PSD4: variants seen among roughly 807,000 people sequenced by gnomAD.
PSD4 encodes PH and SEC7 domain-containing protein 4.
PSD4 carries 59 observed loss-of-function variants against 112.5 expected under a neutral mutation model. The observed-to-expected ratio is 0.52, with a 90% CI of 0.43 to 0.65. The LOEUF (loss-of-function observed/expected upper bound fraction) is 0.65. PSD4 is among the 30% of genes least tolerant of loss of function. The pLI is 0.00. For missense variants in PSD4, 1,267 were observed against 1,352.6 expected (o/e 0.94, Z 0.99); for synonymous variants, 533 against 540.0 (o/e 0.99, Z 0.18).
At chr2:113,197,072 AG>A in intron 12 of PSD4, 1 of 216,142 alleles carries the variant, frequency 4.6e-6, no homozygotes, top group Non-Finnish European at 9.4e-6. Context: ...ACACAAGACC[AG>A]GGTGGAGAGG....
In PSD4 at chr2:113,201,521, C is replaced by T; in HGVS notation, c.*106C>T. 7.0e-7 allele frequency: 1 copy of T among 1,423,240 alleles called. No homozygotes were observed. The allele number at this position is 1,423,240 out of a possible 1,614,324, so 88.2% of individuals were successfully genotyped here. On this transcript the variant is annotated 3_prime_UTR_variant, in exon 17 of 17. Coordinates refer to ENST00000245796, the MANE Select transcript of PSD4 (RefSeq NM_012455.3). ...TGAGTCCACCATGACGGATGAGGCA[C>T]CTCCTTTCCCTGCTGAAGGACAAAC...
Position 113,183,447 on chromosome 2 carries a change from T to G in PSD4, c.991T>G (p.Cys331Gly). Residue 331 changes from cysteine to glycine, a missense_variant, in exon 2 of 17, where the codon TGC (cysteine) becomes GGC (glycine). Cys to Gly is a radical substitution (Grantham distance 159). This residue lies in a region of PSD4 where 723 missense variants were observed against 704.0 expected (regional missense o/e 1.03). Coordinates refer to ENST00000245796, the MANE Select transcript of PSD4 (RefSeq NM_012455.3). ...PVPIYKPHSI[C>G]WASVAAAEGA... Reference sequence around the variant, plus strand: ...GCCCATCTATAAACCACACTCCATCTGCTGGGCCTCAGTGGCTGCCGCTGA... The same window carrying G: ...GCCCATCTATAAACCACACTCCATCGGCTGGGCCTCAGTGGCTGCCGCTGA... 6.3e-7 allele frequency: 1 copy of G among 1,589,910 alleles called. No homozygotes were observed. The highest frequency in any genetic ancestry group is 8.6e-7 in the Non-Finnish European group (1 of 1,169,294).
chr2:113,179,982 A>T (rs1444190026), intron 1 of PSD4, among the ~76,000 whole-genome samples: 2 of 152,112 alleles, frequency 1.3e-5, no homozygotes, highest in East Asian at 3.8e-4. Flanking sequence ...AGGGGTAAAA[A>T]CCCAGAAAGA....
chr2:113,196,468 C>G (rs1312365761), intron 12 of PSD4, 161 bp downstream of exon 12: 1 of 933,130 alleles, frequency 1.1e-6, no homozygotes, highest in African/African-American at 1.7e-5. Context: ...TGACCATGTG[C>G]TGGATGCTGT....
Position 113,183,294 on chromosome 2 carries a change from G to A in PSD4, c.838G>A (p.Gly280Arg). 1 of 1,613,330 alleles carries A rather than the reference G, an allele frequency of 6.2e-7. No homozygotes were observed. Among genetic ancestry groups the A allele is most frequent in the Non-Finnish European group, 8.5e-7 (1 of 1,179,500 alleles). Residue 280 changes from glycine to arginine, a missense_variant, in exon 2 of 17, where the codon GGA (glycine) becomes AGA (arginine). Gly to Arg is a moderately radical substitution (Grantham distance 125, BLOSUM62 -2). Transcript: ENST00000245796. The stretch of plus-strand genomic sequence containing the variant: ...AGACTCCCATGCAGGTGTGAGGACT[G>A]GACCTGAGAGCCCAGCGACTCTGGA... The part of the protein sequence containing the change: ...ASDSHAGVRT[G>R]PESPATLEPP...
rs774861670 is a variant in PSD4, at chr2:113,183,162, C to A, written c.706C>A (p.Gln236Lys). The A allele has an allele frequency of 1.2e-6, 2 of 1,614,178 alleles. No individual in the cohort carries two copies. The highest frequency in any genetic ancestry group is 1.7e-6 in the Non-Finnish European group (2 of 1,180,032). ...AGAGGGAACCCCAGACTCTTCCCCACAGTGGGGAGCTGAGGAGGAGAGCAT... is the reference window on the plus strand; with the variant it reads ...AGAGGGAACCCCAGACTCTTCCCCAAAGTGGGGAGCTGAGGAGGAGAGCAT... ...LREGTPDSSP[Q>K]WGAEEESMFF... Residue 236 changes from glutamine to lysine, a missense_variant, in exon 2 of 17, where the codon CAG (glutamine) becomes AAG (lysine). This residue lies in a region of PSD4 where 723 missense variants were observed against 704.0 expected (regional missense o/e 1.03). Transcript: ENST00000245796.
At position 113,193,070 on chromosome 2, in the gene PSD4, G is replaced by T. The variant is rs1435549132; in HGVS notation, c.1861G>T (p.Ala621Ser). 2.5e-6 allele frequency: 4 copies of T among 1,614,194 alleles called. No homozygotes were observed. The highest frequency in any genetic ancestry group is 1.7e-5 in the Admixed American group (1 of 60,014). ...QKNNDFSRAV[A>S]EEYLSFFQFG... is the part of the protein sequence containing the mutation. ...CAGCAATGACTTTAGCAGGGCTGTG[G>T]CTGAGGAGTACCTGTCCTTCTTCCA... The change falls in exon 7 of 17, where the codon GCT (alanine) becomes TCT (serine). Residue 621 changes from alanine to serine, a missense_variant. Physicochemically the swap from Ala to Ser is moderately conservative, Grantham distance 99 (BLOSUM62 1). Around this residue, in one of 2 missense-constraint regions of PSD4, gnomAD observed 544 missense variants for 648.6 expected, o/e 0.84. Coordinates refer to ENST00000245796, the MANE Select transcript of PSD4 (RefSeq NM_012455.3).
chr2:113,197,590 A>G lies in PSD4; in HGVS notation c.2413A>G (p.Met805Val). 1 of 1,614,192 alleles carries G rather than the reference A, an allele frequency of 6.2e-7. No homozygotes were observed. Among genetic ancestry groups the G allele is most frequent in the Non-Finnish European group, 8.5e-7 (1 of 1,180,030 alleles). Reference sequence around the variant, plus strand: ...GCCATGGGGCAAGCGTGGCTGGAAGATGTTCCACACCTTACTGCGAGGGAT... The same window carrying G: ...GCCATGGGGCAAGCGTGGCTGGAAGGTGTTCCACACCTTACTGCGAGGGAT... ...KTPWGKRGWK[M>V]FHTLLRGMVL... The change falls in exon 13 of 17, where the codon ATG becomes GTG. Residue 805 changes from methionine (M) to valine (V), a missense_variant. This residue lies in a region of PSD4 where 544 missense variants were observed against 648.6 expected (regional missense o/e 0.84). Transcript: ENST00000245796.
At position 113,199,074 on chromosome 2, in the gene PSD4, T is replaced by C. The variant is rs1262098412; in HGVS notation, c.2770-9T>C. ...CGGGACAGCGCCCCTCACCGCCCGC[T>C]GCTCGCAGGAGGAGCAGCATCGATC... On this transcript the variant is annotated splice_polypyrimidine_tract_variant and intron_variant, in intron 15 of 16. Transcript: ENST00000245796. 4 of 1,523,758 alleles carry C rather than the reference T, an allele frequency of 2.6e-6. No homozygotes were observed. Among genetic ancestry groups the C allele is most frequent in the African/African-American group, 1.4e-5 (1 of 70,168 alleles). The allele number at this position is 1,523,758 out of a possible 1,614,324, so 94.4% of individuals were successfully genotyped here. A position where few individuals can be genotyped will look rare whatever the true frequency, so the allele number is the denominator to read the frequency against.
At chr2:113,199,907 C>T (rs1688726837) in intron 16 of PSD4, among the ~76,000 whole-genome samples, 1 of 152,160 alleles carries the variant, frequency 6.6e-6, no homozygotes, top group Admixed American at 6.5e-5. Context: ...CTCCCTGCAA[C>T]CTCCGCCTCC....
At chr2:113,183,625 G>A in intron 2 of PSD4, 113 bp downstream of exon 2, 10 of 1,043,578 alleles carry the variant, frequency 9.6e-6, no homozygotes, top group Non-Finnish European at 1.4e-5. Flanking sequence ...GAGCTTTGGG[G>A]ATAACCTGCA....
Position 113,201,120 on chromosome 2 carries a change from C to T in PSD4, c.2914-38C>T, listed in dbSNP as rs1688764424. The T allele has an allele frequency of 3.2e-6, 5 of 1,566,278 alleles. No individual in the cohort carries two copies. The African/African-American group carries it at 6.8e-5, about 21-fold the overall frequency. ...TTCTAGCCTCCTCCCAACCTGGAGC[C>T]AGGATGGTGCTAAGGTGGTGGGGCC... On this transcript the variant is annotated intron_variant, in intron 16 of 16. Transcript: ENST00000245796.
chr2:113,197,507 G>C (rs778408960), intron 12 of PSD4, 57 bp from the exon 13 acceptor site: 5 of 1,595,928 alleles, frequency 3.1e-6, no homozygotes, highest in Non-Finnish European at 4.3e-6. Context: ...GTGTGTCTGA[G>C]TGTGTCTGGA....
chr2:113,183,246 G>C lies in PSD4; in HGVS notation c.790G>C (p.Glu264Gln). 6.2e-7 allele frequency: 1 copy of C among 1,614,202 alleles called. No homozygotes were observed. Among genetic ancestry groups the C allele is most frequent in the South Asian group, 1.1e-5 (1 of 91,086 alleles). ...TTGCTCAGAGAACAGTGCTTCTGGA[G>C]AGTGCTTTTCCTGGGGGGCTTCAGA... is the stretch of plus-strand genomic sequence containing the variant. ...SPCSENSASG[E>Q]CFSWGASDSH... The change falls in exon 2 of 17, where the codon GAG becomes CAG. Residue 264 changes from glutamate to glutamine, a missense_variant. Glu to Gln is a conservative substitution (Grantham distance 29). Coordinates refer to ENST00000245796, the MANE Select transcript of PSD4 (RefSeq NM_012455.3).
rs773465112 is a variant in PSD4, at chr2:113,198,848, G to A, written c.2733G>A (p.Arg911=). ...AAVGSQRRFV[R]PILPVGPAQS... is the part of the protein sequence containing the mutation. ...TGGGCTCCCAGCGCAGATTCGTGCGGCCCATCCTGCCCGTGGGCCCCGCCC... is the reference window on the plus strand; with the variant it reads ...TGGGCTCCCAGCGCAGATTCGTGCGACCCATCCTGCCCGTGGGCCCCGCCC... The change falls in exon 15 of 17, where the codon CGG becomes CGA. Residue 911 remains arginine, a synonymous_variant. Transcript: ENST00000245796. 5.0e-6 allele frequency: 8 copies of A among 1,597,316 alleles called. No homozygotes were observed. The highest frequency in any genetic ancestry group is 3.4e-5 in the Admixed American group (2 of 59,626).
Position 113,201,123 on chromosome 2 carries a change from G to A in PSD4, c.2914-35G>A, listed in dbSNP as rs759364817. On this transcript the variant is annotated intron_variant, in intron 16 of 16. Coordinates refer to ENST00000245796, the MANE Select transcript of PSD4 (RefSeq NM_012455.3). ...TAGCCTCCTCCCAACCTGGAGCCAG[G>A]ATGGTGCTAAGGTGGTGGGGCCTGT... The A allele has an allele frequency of 9.6e-6, 15 of 1,570,182 alleles. No homozygotes were observed. In the South Asian group the frequency reaches 1.3e-4, roughly 14 times the overall value.
chr2:113,185,185 C>A, intron 3 of PSD4, 112 bp downstream of exon 3: 2 of 1,570,172 alleles, frequency 1.3e-6, no homozygotes, highest in Non-Finnish European at 1.7e-6. Context: ...GGGCTTCTCA[C>A]ATCAGGACTC....
Position 113,201,464 on chromosome 2 carries a change from A to T in PSD4, c.*49A>T, listed in dbSNP as rs1312241617. 2.5e-6 allele frequency: 4 copies of T among 1,599,642 alleles called. No individual in the cohort carries two copies. ...TGTTCCCTGCTCCAGGGTAGACCTG[A>T]GATGAACCTCCCTGGAGGAGACTTA... On this transcript the variant is annotated 3_prime_UTR_variant, in exon 17 of 17. Coordinates refer to ENST00000245796, the MANE Select transcript of PSD4 (RefSeq NM_012455.3).
intron 14 of PSD4, chr2:113,198,255 A>C (rs1243871596): frequency 3.4e-6 from 1 of 297,572 alleles, no homozygotes; most frequent in Non-Finnish European, 6.2e-6. Flanking sequence ...TCACCTTCTC[A>C]GATTGTCCTC....
Sources: allele counts gnomAD v4.1 joint callset (sites outside exome capture counted in the v4.1 genomes callset), GRCh38; gene constraint gnomAD v4.1.1; regional missense constraint gnomAD v4.1.1; transcripts MANE v1.5; gene names NCBI Gene and HGNC (gene_info 2026-07-23, HGNC 2026-07-21).